Variants in GALNTL6 observed in about 807,000 individuals in gnomAD.
The protein encoded by GALNTL6 is polypeptide N-acetylgalactosaminyltransferase like 6.
GALNTL6 carries 46 observed loss-of-function variants against 73.7 expected under a neutral mutation model. That is an observed-to-expected ratio of 0.62 (90% CI 0.49 to 0.80). The LOEUF is 0.80. GALNTL6 is among the 30% of genes least tolerant of loss of function. GALNTL6 has a pLI of 0.00. For synonymous variants in GALNTL6, 259 were observed against 263.7 expected, an observed-to-expected ratio of 0.98 and a Z score of 0.17; for missense variants, 604 against 755.0, an observed-to-expected ratio of 0.80 and a Z score of 2.34.
intron 2 of GALNTL6, among the ~76,000 whole-genome samples, chr4:172,054,834 G>A (rs1050484511): frequency 6.6e-6 from 1 of 152,090 alleles, no homozygotes; most frequent in African/African-American, 2.4e-5. Context: ...ATGAGAAGTC[G>A]TGCCTTTTCA....
At chr4:172,102,365 A>G (rs1281858136) in intron 2 of GALNTL6, among the ~76,000 whole-genome samples, 1 of 152,220 alleles carries the variant, frequency 6.6e-6, no homozygotes, top group Non-Finnish European at 1.5e-5. Flanking sequence ...AACTTTATAC[A>G]TGAGAGCCAT....
At chr4:172,236,378 TG>T (rs899470798) in intron 3 of GALNTL6, among the ~76,000 whole-genome samples, 2 of 151,898 alleles carry the variant, frequency 1.3e-5, no homozygotes, top group Non-Finnish European at 2.9e-5. Context: ...GCTAACATGG[TG>T]AAACCCCGTC....
rs548386743 is a variant in GALNTL6, at chr4:172,248,524, A to G, written c.247+18760A>G. On this transcript the variant is annotated intron_variant, in intron 3 of 12. Coordinates refer to ENST00000506823, the MANE Select transcript of GALNTL6 (RefSeq NM_001034845.3). ...TTTATCACAGGGAGGTAAAGTCCTC[A>G]TGCCAGGCTCCCTGGAAAGCAGCAG... is the stretch of plus-strand genomic sequence containing the variant. Among the ~76,000 whole-genome samples, 12 of 152,294 alleles carry G rather than the reference A, an allele frequency of 7.9e-5. No homozygotes were observed. In the East Asian group the frequency reaches 2.3e-3, roughly 29 times the overall value.
intron 5 of GALNTL6, among the ~76,000 whole-genome samples, chr4:172,630,542 C>T (rs924956319): frequency 2.6e-5 from 4 of 151,972 alleles, no homozygotes; most frequent in Non-Finnish European, 4.4e-5. Context: ...CTCAAGAGTT[C>T]TATCTCTGAG....
intron 5 of GALNTL6, among the ~76,000 whole-genome samples, chr4:172,788,067 T>C (rs1739760212): frequency 6.6e-6 from 1 of 152,126 alleles, no homozygotes; most frequent in Admixed American, 6.6e-5. Context: ...AGGAGCAGGC[T>C]GGGCATGGTG....
intron 5 of GALNTL6, among the ~76,000 whole-genome samples, chr4:172,516,090 C>G (rs1261039916): frequency 6.6e-6 from 1 of 152,166 alleles, no homozygotes; most frequent in Non-Finnish European, 1.5e-5. Context: ...TACCTTTATA[C>G]ATTTTACTGG....
intron 10 of GALNTL6, among the ~76,000 whole-genome samples, chr4:172,975,680 A>G (rs1750774884): frequency 6.6e-6 from 1 of 152,146 alleles, no homozygotes. Context: ...TGCAGGTACA[A>G]GCTGAGCCAT....
chr4:172,875,867 A>G lies in GALNTL6; in HGVS notation c.924-6923A>G, dbSNP rs9995407. Among the ~76,000 whole-genome samples, 409 of 152,274 alleles carry G rather than the reference A, an allele frequency of 2.7e-3. 2 individuals carry two copies. The highest frequency in any genetic ancestry group is 9.0e-3 in the African/African-American group (376 of 41,558). ...CTAAGACTGAAAAAAGCTTTACAGC[A>G]TCTTATCCATTTACCTCCTGTACCC... On this transcript the variant is annotated intron_variant, in intron 7 of 12. Coordinates refer to ENST00000506823, the MANE Select transcript of GALNTL6 (RefSeq NM_001034845.3).
intron 2 of GALNTL6, among the ~76,000 whole-genome samples, chr4:172,150,661 A>C (rs541951570): frequency 6.6e-6 from 1 of 152,212 alleles, no homozygotes; most frequent in Non-Finnish European, 1.5e-5. Context: ...AGTGGCTAAA[A>C]TAAATTGAGT....
intron 5 of GALNTL6, among the ~76,000 whole-genome samples, chr4:172,401,126 C>T (rs1744020226): frequency 6.6e-6 from 1 of 152,088 alleles, no homozygotes; most frequent in African/African-American, 2.4e-5. Flanking sequence ...TCCTTGTTAA[C>T]TTTAATGTCC....
chr4:171,947,587 A>T (rs1306992604), intron 2 of GALNTL6, among the ~76,000 whole-genome samples: 4 of 152,168 alleles, frequency 2.6e-5, no homozygotes, highest in African/African-American at 9.6e-5. Context: ...GACTATAGGG[A>T]GATGAATGGC....
At chr4:172,320,232 G>A (rs555728305) in intron 4 of GALNTL6, among the ~76,000 whole-genome samples, 1 of 152,198 alleles carries the variant, frequency 6.6e-6, no homozygotes, top group East Asian at 1.9e-4. Context: ...AGTTTGTGAT[G>A]TGGTGATTTC....
intron 5 of GALNTL6, among the ~76,000 whole-genome samples, chr4:172,358,898 T>G (rs79466953): frequency 0.022 from 3,085 of 142,234 alleles, 101 homozygotes; most frequent in African/African-American, 0.074. Context: ...GCTGGTGAGG[T>G]TCAGAGAAAA....
intron 5 of GALNTL6, among the ~76,000 whole-genome samples, chr4:172,489,271 C>T (rs980724306): frequency 7.2e-5 from 11 of 152,134 alleles, no homozygotes; most frequent in South Asian, 6.2e-4. Context: ...TGCGCACGCA[C>T]GCAGACACAC....
chr4:172,728,220 C>A (rs1735939327), intron 5 of GALNTL6, among the ~76,000 whole-genome samples: 1 of 152,116 alleles, frequency 6.6e-6, no homozygotes, highest in African/African-American at 2.4e-5. Context: ...TTTATGTGTA[C>A]AATTCAGTGG....
chr4:172,152,403 T>C (rs948116164), intron 2 of GALNTL6, among the ~76,000 whole-genome samples: 2 of 152,186 alleles, frequency 1.3e-5, no homozygotes, highest in African/African-American at 4.8e-5. Flanking sequence ...AGTTTGTAAA[T>C]GTAGACTGAG....
At chr4:172,869,895 A>G (rs1744836201) in intron 7 of GALNTL6, among the ~76,000 whole-genome samples, 1 of 152,176 alleles carries the variant, frequency 6.6e-6, no homozygotes. Context: ...GGCTCTGGAA[A>G]GACTCATCCA....
At chr4:172,647,468 T>TA (rs911674688) in intron 5 of GALNTL6, among the ~76,000 whole-genome samples, 1 of 152,080 alleles carries the variant, frequency 6.6e-6, no homozygotes, top group Non-Finnish European at 1.5e-5. Context: ...TAAAGGTACA[T>TA]AAACCTTTCT....
intron 2 of GALNTL6, among the ~76,000 whole-genome samples, chr4:171,938,531 A>G (rs1578989001): frequency 6.6e-6 from 1 of 152,188 alleles, no homozygotes; most frequent in African/African-American, 2.4e-5. Context: ...TGGAGTTTCC[A>G]GAAAAAAATC....
Sources: allele counts gnomAD v4.1 joint callset (sites outside exome capture counted in the v4.1 genomes callset), GRCh38; gene constraint gnomAD v4.1.1; transcripts MANE v1.5; gene names NCBI Gene and HGNC (gene_info 2026-07-23, HGNC 2026-07-21).